PLCXD2: variants seen among roughly 807,000 people sequenced by gnomAD.
The protein encoded by PLCXD2 is phosphatidylinositol specific phospholipase C X domain containing 2.
In PLCXD2, 21 loss-of-function variants were observed where a neutral mutation model predicts 28.6. The ratio of observed to expected loss-of-function variants is 0.73; its 90% CI spans 0.52 to 1.06. PLCXD2 has a LOEUF of 1.06. Ranked by LOEUF, PLCXD2 falls within the 50% of genes least tolerant of loss-of-function variation. The probability of loss-of-function intolerance (pLI) is 0.00; values close to 1 mark genes in which losing one functional copy is unlikely to be tolerated. For synonymous variants in PLCXD2, 140 were observed against 150.1 expected, an observed-to-expected ratio of 0.93 and a Z score of 0.49; for missense variants, 369 against 376.7, an observed-to-expected ratio of 0.98 and a Z score of 0.17.
chr3:111,723,558 T>C (rs1941374540), intron 3 of PLCXD2: 1 of 152,222 alleles, frequency 6.6e-6, no homozygotes, highest in South Asian at 2.1e-4. Flanking sequence ...CCAGCCTTGC[T>C]TGCAATTTGA....
intron 1 of PLCXD2, among the ~76,000 whole-genome samples, chr3:111,705,090 T>C (rs549296693): frequency 6.6e-6 from 1 of 152,252 alleles, no homozygotes; most frequent in East Asian, 1.9e-4. Flanking sequence ...GTACTGGGAT[T>C]ACAGGCATGA....
chr3:111,681,063 T>G (rs901980807), intron 1 of PLCXD2, among the ~76,000 whole-genome samples: 1 of 152,180 alleles, frequency 6.6e-6, no homozygotes, highest in African/African-American at 2.4e-5. Context: ...ACAATCTAGT[T>G]AAGGAGCTGG....
chr3:111,677,549 A>G (rs1449919377), intron 1 of PLCXD2: 3 of 152,230 alleles, frequency 2.0e-5, no homozygotes, highest in Non-Finnish European at 2.9e-5. Context: ...TCCAGTCCTC[A>G]TAACTCCATG....
At chr3:111,705,991 G>T (rs1167242840) in intron 1 of PLCXD2, among the ~76,000 whole-genome samples, 1 of 152,020 alleles carries the variant, frequency 6.6e-6, no homozygotes. Flanking sequence ...GAGTAGCTGG[G>T]ACTGCAGGTG....
At chr3:111,707,239 G>A (rs569153347) in intron 1 of PLCXD2, among the ~76,000 whole-genome samples, 9 of 152,308 alleles carry the variant, frequency 5.9e-5, no homozygotes, top group African/African-American at 2.2e-4. Context: ...GAAATGGTTA[G>A]CTGATCTGTC....
At chr3:111,716,106 T>G (rs934998952) in intron 3 of PLCXD2, among the ~76,000 whole-genome samples, 2 of 152,220 alleles carry the variant, frequency 1.3e-5, no homozygotes, top group Non-Finnish European at 2.9e-5. Flanking sequence ...GGAAAGATAC[T>G]TTCTTTGGCA....
chr3:111,697,899 T>C (rs1234629079), intron 1 of PLCXD2, among the ~76,000 whole-genome samples: 1 of 152,174 alleles, frequency 6.6e-6, no homozygotes, highest in Non-Finnish European at 1.5e-5. Flanking sequence ...TAATTTATAA[T>C]TTTAGTTTTA....
intron 3 of PLCXD2, among the ~76,000 whole-genome samples, chr3:111,720,305 A>T (rs1941327772): frequency 6.6e-6 from 1 of 151,906 alleles, no homozygotes; most frequent in African/African-American, 2.4e-5. Flanking sequence ...GGCTCAGGTG[A>T]TTACCCCTCC....
intron 1 of PLCXD2, among the ~76,000 whole-genome samples, chr3:111,678,947 C>T (rs1940669295): frequency 6.6e-6 from 1 of 152,132 alleles, no homozygotes; most frequent in Non-Finnish European, 1.5e-5. Context: ...TCACTTTAGC[C>T]TCTTAAAAGG....
intron 3 of PLCXD2, among the ~76,000 whole-genome samples, chr3:111,715,596 T>C (rs1941257135): frequency 6.6e-6 from 1 of 152,226 alleles, no homozygotes; most frequent in South Asian, 2.1e-4. Context: ...GAATATCAAA[T>C]GGCTTTTTGC....
At chr3:111,681,075 T>C (rs762495650) in intron 1 of PLCXD2, among the ~76,000 whole-genome samples, 85 of 152,338 alleles carry the variant, frequency 5.6e-4, no homozygotes, top group Non-Finnish European at 7.1e-4. Context: ...AGGAGCTGGC[T>C]GTCCAATTAA....
intron 1 of PLCXD2, among the ~76,000 whole-genome samples, chr3:111,683,362 G>A (rs1940746248): frequency 6.6e-6 from 1 of 152,142 alleles, no homozygotes; most frequent in African/African-American, 2.4e-5. Flanking sequence ...TGGGAAAGTA[G>A]GCAAGAACTA....
At chr3:111,723,747 A>C (rs1289359380) in intron 3 of PLCXD2, 3 of 152,218 alleles carry the variant, frequency 2.0e-5, no homozygotes, top group Admixed American at 6.5e-5. Context: ...TGTGGGACAG[A>C]GGGAAAACAG....
chr3:111,698,815 T>TA (rs1160094193), intron 1 of PLCXD2, among the ~76,000 whole-genome samples: 1 of 152,228 alleles, frequency 6.6e-6, no homozygotes, highest in Non-Finnish European at 1.5e-5. Flanking sequence ...CTTTTGTTCA[T>TA]AATCACTCCC....
At chr3:111,683,135 A>G (rs1461402917) in intron 1 of PLCXD2, among the ~76,000 whole-genome samples, 5 of 152,224 alleles carry the variant, frequency 3.3e-5, no homozygotes, top group Non-Finnish European at 5.9e-5. Flanking sequence ...CAGAAAACCA[A>G]TACCCAATTC....
chr3:111,680,426 C>T (rs1430001655), intron 1 of PLCXD2, among the ~76,000 whole-genome samples: 1 of 151,372 alleles, frequency 6.6e-6, no homozygotes, highest in Non-Finnish European at 1.5e-5. Flanking sequence ...AACCAAGGAC[C>T]AAGCTGAATC....
At chr3:111,707,121 A>C (rs1050740994) in intron 1 of PLCXD2, among the ~76,000 whole-genome samples, 17 of 152,198 alleles carry the variant, frequency 1.1e-4, no homozygotes, top group African/African-American at 4.1e-4. Context: ...TCCCTTTGTT[A>C]AGACAGAGGA....
chr3:111,708,932 A>G (rs1489947149), intron 2 of PLCXD2, among the ~76,000 whole-genome samples: 1 of 152,194 alleles, frequency 6.6e-6, no homozygotes, highest in Non-Finnish European at 1.5e-5. Context: ...CTGTAAGAGC[A>G]TTCCATAGTC....
At position 111,704,036 on chromosome 3, in the gene PLCXD2, A is replaced by G. The variant is rs1941083284; in HGVS notation, c.164-3890A>G. Reference sequence around the variant, plus strand: ...TTATTTCTTAGGAAACAAAACACTGAGTCATCACAGAATGATTTGTTTTCA... The same window carrying G: ...TTATTTCTTAGGAAACAAAACACTGGGTCATCACAGAATGATTTGTTTTCA... On this transcript the variant is annotated intron_variant, in intron 1 of 4. Coordinates refer to ENST00000477665, the MANE Select transcript of PLCXD2 (RefSeq NM_001185106.1). Among the ~76,000 whole-genome samples the G allele has an allele frequency of 2.6e-5, 4 of 152,314 alleles. No individual in the cohort carries two copies. The South Asian group carries it at 8.3e-4, about 32-fold the overall frequency.
Sources: gnomAD v4.1 joint callset for allele counts (sites outside exome capture counted in the v4.1 genomes callset) on GRCh38, gnomAD v4.1.1 for gene constraint, MANE v1.5 for transcripts, NCBI Gene and HGNC (gene_info 2026-07-23, HGNC 2026-07-21) for gene names.